Variants in GRM8 observed in about 807,000 individuals in gnomAD.
The protein encoded by GRM8 is metabotropic glutamate receptor 8.
Under a neutral mutation model 87.2 loss-of-function variants are expected in GRM8, and 47 were observed. The ratio of observed to expected loss-of-function variants is 0.54; its 90% CI spans 0.43 to 0.69. The LOEUF is 0.69. Ranked by LOEUF, GRM8 falls within the 30% of genes least tolerant of loss-of-function variation. The pLI is 0.00. For missense variants in GRM8, 1,019 were observed against 1,139.2 expected (o/e 0.89, Z 1.52); for synonymous variants, 396 against 404.5 (o/e 0.98, Z 0.25).
intron 3 of GRM8, among the ~76,000 whole-genome samples, chr7:127,015,000 GAAAGAAGAA>G (rs1160595272): frequency 1.7e-4 from 14 of 81,788 alleles, no homozygotes; most frequent in African/African-American, 6.0e-4. Context: ...AGAAGAAGAA[GAAAGAAGAA>G]GAAGAAGAAG....
chr7:126,498,659 G>A (rs1331036100), intron 9 of GRM8, among the ~76,000 whole-genome samples: 1 of 151,900 alleles, frequency 6.6e-6, no homozygotes, highest in Non-Finnish European at 1.5e-5. Flanking sequence ...GCAGTTGATG[G>A]TAAATATTTT....
chr7:126,595,324 C>A (rs369197016), intron 8 of GRM8, among the ~76,000 whole-genome samples: 1 of 151,716 alleles, frequency 6.6e-6, no homozygotes, highest in Admixed American at 6.6e-5. Context: ...CTCCCCTTCC[C>A]CAGTAGCTGG....
chr7:127,150,352 T>C (rs1450521281), intron 2 of GRM8, among the ~76,000 whole-genome samples: 1 of 151,982 alleles, frequency 6.6e-6, no homozygotes, highest in Non-Finnish European at 1.5e-5. Flanking sequence ...GTGGCTGTTC[T>C]CAAGACAGTG....
intron 3 of GRM8, among the ~76,000 whole-genome samples, chr7:126,986,273 G>A (rs1375782904): frequency 1.3e-5 from 2 of 152,102 alleles, no homozygotes; most frequent in Admixed American, 6.5e-5. Flanking sequence ...GCCTCCCAAA[G>A]TGCTGGGATT....
At chr7:127,229,440 T>C (rs1287251787) in intron 2 of GRM8, 1 of 152,138 alleles carries the variant, frequency 6.6e-6, no homozygotes, top group Non-Finnish European at 1.5e-5. Context: ...CCAGCAAAAC[T>C]CACTAGATGC....
At chr7:127,015,034 G>T (rs1432077684) in intron 3 of GRM8, among the ~76,000 whole-genome samples, 5 of 120,348 alleles carry the variant, frequency 4.2e-5, no homozygotes. Context: ...AGAAGAAGAA[G>T]AAGAAGAAGA....
intron 3 of GRM8, among the ~76,000 whole-genome samples, chr7:126,972,491 C>A (rs1301262685): frequency 1.3e-5 from 2 of 151,980 alleles, no homozygotes; most frequent in Non-Finnish European, 2.9e-5. Context: ...TCCTTAATGT[C>A]AATCACCTTT....
At chr7:127,044,291 T>A (rs1047092205) in intron 3 of GRM8, among the ~76,000 whole-genome samples, 1 of 152,060 alleles carries the variant, frequency 6.6e-6, no homozygotes, top group Non-Finnish European at 1.5e-5. Flanking sequence ...GATTTCCTGT[T>A]CCCCACCATC....
At chr7:127,246,069 T>G (rs1267988874) in intron 1 of GRM8, among the ~76,000 whole-genome samples, 1 of 152,242 alleles carries the variant, frequency 6.6e-6, no homozygotes, top group Non-Finnish European at 1.5e-5. Context: ...TATAAAATAT[T>G]TAAATCTTCC....
At chr7:126,902,429 C>T in intron 6 of GRM8, 113 bp downstream of exon 6, 1 of 910,398 alleles carries the variant, frequency 1.1e-6, no homozygotes, top group East Asian at 2.7e-5. Flanking sequence ...CAAAAAGACA[C>T]AAAAAATAGA....
intron 9 of GRM8, among the ~76,000 whole-genome samples, chr7:126,491,030 T>C (rs1807945590): frequency 6.6e-6 from 1 of 152,068 alleles, no homozygotes; most frequent in Admixed American, 6.6e-5. Flanking sequence ...CCAAAATGAA[T>C]TGAAAACCTT....
At chr7:126,953,243 T>C (rs190466101) in intron 3 of GRM8, among the ~76,000 whole-genome samples, 201 of 152,268 alleles carry the variant, frequency 1.3e-3, no homozygotes, top group African/African-American at 4.6e-3. Context: ...AACCACACTT[T>C]GTTAAGTTTC....
At chr7:126,564,718 C>T (rs1794046819) in intron 8 of GRM8, among the ~76,000 whole-genome samples, 1 of 152,072 alleles carries the variant, frequency 6.6e-6, no homozygotes, top group African/African-American at 2.4e-5. Flanking sequence ...AGAACACTTC[C>T]AAACTAATTT....
At chr7:126,618,957 A>T (rs188605650) in intron 7 of GRM8, among the ~76,000 whole-genome samples, 29 of 152,306 alleles carry the variant, frequency 1.9e-4, no homozygotes, top group African/African-American at 5.1e-4. Context: ...ATTGTGGAAG[A>T]CAGTGTGGTG....
At position 126,454,556 on chromosome 7, in the gene GRM8, T is replaced by C. The variant is rs1371183920; in HGVS notation, c.2431-8184A>G. 3.3e-5 allele frequency among the ~76,000 whole-genome samples: 5 copies of C among 151,476 alleles called. No individual in the cohort carries two copies. The East Asian group carries it at 7.8e-4, about 24-fold the overall frequency. Reference sequence around the variant, plus strand: ...TTAATATAGTAAGAATCAAGAAAAATGGTGTTATGGGCTGAATTGTGTCTC... The same window carrying C: ...TTAATATAGTAAGAATCAAGAAAAACGGTGTTATGGGCTGAATTGTGTCTC... On this transcript the variant is annotated intron_variant, in intron 9 of 10. Coordinates refer to ENST00000339582, the MANE Select transcript of GRM8 (RefSeq NM_000845.3).
Position 127,196,558 on chromosome 7 carries a change from C to A in GRM8, c.510+46137G>T, listed in dbSNP as rs1423837776. Among the ~76,000 whole-genome samples the A allele has an allele frequency of 2.6e-5, 4 of 151,640 alleles. No homozygotes were observed. The East Asian group carries it at 7.7e-4, about 29-fold the overall frequency. On this transcript the variant is annotated intron_variant, in intron 2 of 10. Coordinates refer to ENST00000339582, the MANE Select transcript of GRM8 (RefSeq NM_000845.3). ...ACAAAAAAAAAAACAAGCAAAAAAC[C>A]ACACATGCCCCTACCAGCCAAGTAT...
At chr7:126,782,258 C>G (rs1820158141) in intron 6 of GRM8, among the ~76,000 whole-genome samples, 4 of 152,124 alleles carry the variant, frequency 2.6e-5, no homozygotes, top group Admixed American at 2.6e-4. Flanking sequence ...ACTCATTAAC[C>G]TAGTCCAATT....
chr7:126,766,721 A>G (rs919165692), intron 7 of GRM8, among the ~76,000 whole-genome samples: 1 of 152,152 alleles, frequency 6.6e-6, no homozygotes, highest in Non-Finnish European at 1.5e-5. Flanking sequence ...GGTTCTTCAG[A>G]AAATTAAAAA....
At chr7:126,535,348 T>C (rs1815531247) in intron 8 of GRM8, among the ~76,000 whole-genome samples, 1 of 152,152 alleles carries the variant, frequency 6.6e-6, no homozygotes, top group Non-Finnish European at 1.5e-5. Flanking sequence ...CACTCCAGTG[T>C]CACTGATGCA....
Sources: allele counts gnomAD v4.1 joint callset (sites outside exome capture counted in the v4.1 genomes callset), GRCh38; gene constraint gnomAD v4.1.1; transcripts MANE v1.5; gene names NCBI Gene and HGNC (gene_info 2026-07-23, HGNC 2026-07-21).